DNAJB12: variants seen among roughly 807,000 people sequenced by gnomAD.
DNAJB12 encodes dnaJ homolog subfamily B member 12.
DNAJB12 carries 14 observed loss-of-function variants against 40.6 expected under a neutral mutation model. The observed-to-expected ratio is 0.34, with a 90% CI of 0.23 to 0.54. DNAJB12 has a LOEUF of 0.54. Ranked by LOEUF, DNAJB12 falls within the 20% of genes least tolerant of loss-of-function variation. DNAJB12 has a pLI of 0.92. For synonymous variants in DNAJB12, 181 were observed against 199.5 expected, an observed-to-expected ratio of 0.91 and a Z score of 0.78; for missense variants, 444 against 501.7, an observed-to-expected ratio of 0.89 and a Z score of 1.10.
intron 7 of DNAJB12, 36 bp downstream of exon 7, chr10:72,336,488 T>C (rs762588488): frequency 2.4e-5 from 38 of 1,597,842 alleles, no homozygotes; most frequent in Non-Finnish European, 3.1e-5. Flanking sequence ...CCAAGCCACC[T>C]CCCAAATACA....
intron 1 of DNAJB12, among the ~76,000 whole-genome samples, chr10:72,350,990 C>T (rs1442824656): frequency 6.6e-6 from 1 of 152,114 alleles, no homozygotes; most frequent in African/African-American, 2.4e-5. Context: ...GCTGGCCTTC[C>T]CAGCTTGGCC....
At chr10:72,344,361 T>G (rs1345469764) in intron 2 of DNAJB12, among the ~76,000 whole-genome samples, 1 of 152,210 alleles carries the variant, frequency 6.6e-6, no homozygotes, top group Admixed American at 6.5e-5. Context: ...AGCTGTGGCA[T>G]GACCCTGGGG....
At chr10:72,342,763 A>G (rs1861674430) in intron 3 of DNAJB12, among the ~76,000 whole-genome samples, 1 of 152,250 alleles carries the variant, frequency 6.6e-6, no homozygotes, top group South Asian at 2.1e-4. Context: ...GTCAGTACAC[A>G]TGAGCGCCTG....
At chr10:72,354,566 CG>C (rs1033567105) in intron 1 of DNAJB12, among the ~76,000 whole-genome samples, 198 bp downstream of exon 1, 4 of 152,208 alleles carry the variant, frequency 2.6e-5, no homozygotes, top group African/African-American at 9.6e-5. Flanking sequence ...CCCGGCCGCC[CG>C]AGTCTCCAGA....
chr10:72,346,311 G>A (rs1048500890), intron 1 of DNAJB12, among the ~76,000 whole-genome samples: 8 of 149,066 alleles, frequency 5.4e-5, no homozygotes, highest in Non-Finnish European at 1.0e-4. Context: ...CTACAGGCAC[G>A]TGCCACCACG....
In DNAJB12 at chr10:72,335,482, G is replaced by T. The variant is rs1452190431; in HGVS notation, c.*30+298C>A. On this transcript the variant is annotated intron_variant, in intron 8 of 8. Coordinates refer to ENST00000444643, the MANE Select transcript of DNAJB12 (RefSeq NM_017626.7). The surrounding 1 kb of genome is among the most constrained non-coding windows in gnomAD (Gnocchi z 4.4). ...TGGAGTGGACCAAGAAGCCCCGGGT[G>T]GCCCTCAGCAACAGTTTCAAGTTCC... The T allele has an allele frequency of 4.4e-6, 5 of 1,137,896 alleles. No individual in the cohort carries two copies. The highest frequency in any genetic ancestry group is 1.6e-5 in the African/African-American group (1 of 62,004). The allele number at this position is 1,137,896 out of a possible 1,614,324, so 70.5% of individuals were successfully genotyped here. A position where few individuals can be genotyped will look rare whatever the true frequency, so the allele number is the denominator to read the frequency against.
At chr10:72,354,411 C>G in intron 1 of DNAJB12, 1 of 245,132 alleles carries the variant, frequency 4.1e-6, no homozygotes, top group East Asian at 8.3e-5. Context: ...AGGCCGGCGA[C>G]TGGCCTGGGC....
At chr10:72,347,795 C>T (rs1337896694) in intron 1 of DNAJB12, among the ~76,000 whole-genome samples, 1 of 151,736 alleles carries the variant, frequency 6.6e-6, no homozygotes, top group South Asian at 2.1e-4. Context: ...CGCTTGTAAT[C>T]CCAGCTACTA....
intron 2 of DNAJB12, among the ~76,000 whole-genome samples, chr10:72,344,112 G>C (rs1317534376): frequency 1.3e-5 from 2 of 152,040 alleles, no homozygotes; most frequent in African/African-American, 4.8e-5. Flanking sequence ...ACTGTTCACC[G>C]CAAGCACAGG....
chr10:72,350,799 G>A (rs1861916841), intron 1 of DNAJB12, among the ~76,000 whole-genome samples: 1 of 152,122 alleles, frequency 6.6e-6, no homozygotes, highest in South Asian at 2.1e-4. Context: ...GTGCTCTGAG[G>A]GGTAAATAAG....
rs574137875 is a variant in DNAJB12 at position 72,332,975 on chromosome 10, G to A, written c.*1673C>T. ...TAGGGACATCTACCAAGACCAGATG[G>A]TCGGGGCGTGGGGGCAGAGCACCGG... On this transcript the variant is annotated 3_prime_UTR_variant, in exon 9 of 9. Coordinates refer to ENST00000444643, the MANE Select transcript of DNAJB12 (RefSeq NM_017626.7). The A allele has an allele frequency of 4.6e-5, 7 of 152,804 alleles. No individual in the cohort carries two copies. The East Asian group carries it at 1.3e-3, about 29-fold the overall frequency. The allele number at this position is 152,804 out of a possible 1,614,324, so 9.5% of individuals were successfully genotyped here. A position where few individuals can be genotyped will look rare whatever the true frequency, so the allele number is the denominator to read the frequency against.
intron 6 of DNAJB12, 189 bp from the exon 7 acceptor site, chr10:72,336,885 G>A (rs764347272): frequency 3.9e-5 from 20 of 517,494 alleles, no homozygotes; most frequent in East Asian, 6.2e-5. Context: ...TCCCACACAC[G>A]TGGCCCAGAC....
In DNAJB12 at chr10:72,334,414, C is replaced by T. The variant is rs72808118; in HGVS notation, c.*234G>A. ...CGATGCGGAGCCTCCGCCAGCCCTG[C>T]GAGGGAGGGAAGCAGCCCCATGGCA... On this transcript the variant is annotated 3_prime_UTR_variant, in exon 9 of 9. Transcript: ENST00000444643. The T allele has an allele frequency of 4.5e-5, 35 of 770,834 alleles. No individual in the cohort carries two copies. Among genetic ancestry groups the T allele is most frequent in the Non-Finnish European group, 7.0e-5 (33 of 471,818 alleles). The allele number at this position is 770,834 out of a possible 1,614,324, so 47.7% of individuals were successfully genotyped here. A position where few individuals can be genotyped will look rare whatever the true frequency, so the allele number is the denominator to read the frequency against.
At chr10:72,351,366 T>C in intron 1 of DNAJB12, among the ~76,000 whole-genome samples, 1 of 152,206 alleles carries the variant, frequency 6.6e-6, no homozygotes, top group East Asian at 1.9e-4. Context: ...ACATCCCTTT[T>C]TGCTGCAAAG....
intron 1 of DNAJB12, among the ~76,000 whole-genome samples, chr10:72,352,043 C>T (rs752478869): frequency 6.6e-5 from 10 of 152,214 alleles, no homozygotes; most frequent in Non-Finnish European, 1.3e-4. Flanking sequence ...TGCCTTGTCC[C>T]AGGCCCTCAG....
chr10:72,338,124 G>A (rs1448871558), intron 6 of DNAJB12, 78 bp downstream of exon 6: 1 of 1,233,630 alleles, frequency 8.1e-7, no homozygotes. Context: ...GGATCAGGAT[G>A]GGAAAGAAGG....
intron 2 of DNAJB12, 42 bp downstream of exon 2, chr10:72,344,908 T>A: frequency 6.2e-7 from 1 of 1,610,456 alleles, no homozygotes; most frequent in Non-Finnish European, 8.5e-7. Context: ...CCTCTAGATT[T>A]CCCCAGTCTC....
Position 72,335,042 on chromosome 10 carries a change from TGCG to T in DNAJB12, c.*31-428_*31-426del. On this transcript the variant is annotated intron_variant, in intron 8 of 8. Coordinates refer to ENST00000444643, the MANE Select transcript of DNAJB12 (RefSeq NM_017626.7). This position sits in a 1 kb window ranked among gnomAD's most constrained non-coding sequence, Gnocchi z 4.4. ...CTCCACCCCTCCTGTGCTGAGCGGCTGCGTCTGACCCTGAACTCATGACCTTCT... is the reference window on the plus strand; with the variant it reads ...CTCCACCCCTCCTGTGCTGAGCGGCTTCTGACCCTGAACTCATGACCTTCT... 2.0e-6 allele frequency: 2 copies of T among 1,022,806 alleles called. No individual in the cohort carries two copies. The highest frequency in any genetic ancestry group is 2.3e-6 in the Non-Finnish European group (2 of 853,802). The allele number at this position is 1,022,806 out of a possible 1,614,324, so 63.4% of individuals were successfully genotyped here.
chr10:72,347,060 T>G (rs137868763), intron 1 of DNAJB12, among the ~76,000 whole-genome samples: 14,785 of 151,042 alleles, frequency 0.098, 1,518 homozygotes, highest in African/African-American at 0.26. Context: ...TGCCTCCCGG[T>G]TTCAAGCGAT....
Sources: gnomAD v4.1 joint callset for allele counts (sites outside exome capture counted in the v4.1 genomes callset) on GRCh38, gnomAD v4.1.1 for gene constraint, Gnocchi (gnomAD v3.1) non-coding constraint, MANE v1.5 for transcripts, NCBI Gene and HGNC (gene_info 2026-07-23, HGNC 2026-07-21) for gene names.